The following SESN3 variants were observed in gnomAD, a reference collection of about 807,000 sequenced individuals.
SESN3 encodes the protein sestrin 3, also known as sestrin-3.
A neutral mutation model predicts 55.3 loss-of-function variants in SESN3; 21 were observed. That is an observed-to-expected ratio of 0.38 (90% CI 0.27 to 0.55). The LOEUF is 0.55. SESN3 is among the 20% of genes least tolerant of loss of function. SESN3 has a pLI of 0.76. For synonymous variants in SESN3, 181 were observed against 203.1 expected (o/e 0.89, Z 0.93); for missense variants, 408 against 604.3 (o/e 0.68, Z 3.41).
At chr11:95,216,575 T>A (rs1318835348) in intron 1 of SESN3, among the ~76,000 whole-genome samples, 2 of 152,236 alleles carry the variant, frequency 1.3e-5, no homozygotes, top group African/African-American at 4.8e-5. Context: ...CAATTGTTTC[T>A]ATAAATAATC....
At chr11:95,223,291 C>G (rs768355897) in intron 1 of SESN3, among the ~76,000 whole-genome samples, 3 of 152,144 alleles carry the variant, frequency 2.0e-5, no homozygotes, top group Non-Finnish European at 4.4e-5. Flanking sequence ...TGTCTCTTCT[C>G]TCTCTTTTCT....
chr11:95,227,597 G>C (rs966135528), intron 1 of SESN3, among the ~76,000 whole-genome samples: 1 of 152,092 alleles, frequency 6.6e-6, no homozygotes, highest in African/African-American at 2.4e-5. Context: ...AGTGAAAAGT[G>C]CAATAACAAT....
intron 1 of SESN3, chr11:95,201,012 A>C (rs570101786): frequency 1.3e-5 from 2 of 152,192 alleles, no homozygotes; most frequent in South Asian, 2.1e-4. Context: ...CATGTGAGGT[A>C]AACTTCTGGT....
intron 4 of SESN3, among the ~76,000 whole-genome samples, chr11:95,187,252 A>G (rs1860185540): frequency 6.6e-6 from 1 of 151,930 alleles, no homozygotes; most frequent in Non-Finnish European, 1.5e-5. Flanking sequence ...AACAAAGTGT[A>G]TTAATATTTT....
intron 4 of SESN3, 95 bp downstream of exon 4, chr11:95,189,682 TAA>T (rs1860230926): frequency 1.3e-6 from 1 of 790,960 alleles, no homozygotes; most frequent in Non-Finnish European, 1.9e-6. Flanking sequence ...CTACACATAC[TAA>T]GACACTATTA....
chr11:95,215,895 G>A (rs550304719), intron 1 of SESN3, among the ~76,000 whole-genome samples: 4 of 151,954 alleles, frequency 2.6e-5, no homozygotes, highest in South Asian at 2.1e-4. Context: ...TCAGGAGATC[G>A]AGACCATCCT....
chr11:95,220,812 T>C (rs1257492204), intron 1 of SESN3, among the ~76,000 whole-genome samples: 1 of 152,228 alleles, frequency 6.6e-6, no homozygotes, highest in Non-Finnish European at 1.5e-5. Flanking sequence ...TGTCACTTAC[T>C]GGTAATATAA....
At chr11:95,184,004 G>A (rs1352631254) in intron 6 of SESN3, 6 of 198,366 alleles carry the variant, frequency 3.0e-5, no homozygotes, top group Admixed American at 5.9e-5. Context: ...ATCTGGAAAA[G>A]CAGCAGTGTG....
chr11:95,202,138 CATT>C (rs1470381025), intron 1 of SESN3, among the ~76,000 whole-genome samples: 3 of 152,016 alleles, frequency 2.0e-5, no homozygotes, highest in African/African-American at 7.2e-5. Context: ...TAACATATAT[CATT>C]ATCTTATTGC....
upstream of SESN3, chr11:95,231,257 C>T: frequency 2.5e-6 from 1 of 394,598 alleles, no homozygotes; most frequent in Non-Finnish European, 4.5e-6. Context: ...CGGTACCGCC[C>T]CTCCCGCCAA....
At chr11:95,203,715 C>T (rs1860497948) in intron 1 of SESN3, 1 of 152,118 alleles carries the variant, frequency 6.6e-6, no homozygotes, top group Non-Finnish European at 1.5e-5. Flanking sequence ...GAATTAAAAC[C>T]ATTCTTATGC....
At chr11:95,173,369 T>C (rs779614206) in intron 9 of SESN3, 28 bp from the exon 10 acceptor site, 6 of 1,450,210 alleles carry the variant, frequency 4.1e-6, no homozygotes. Flanking sequence ...ATCAGTTTAG[T>C]AACCATTATA....
intron 1 of SESN3, among the ~76,000 whole-genome samples, chr11:95,210,377 A>G (rs933863236): frequency 1.3e-5 from 2 of 152,224 alleles, no homozygotes; most frequent in Non-Finnish European, 2.9e-5. Flanking sequence ...ATATATATGT[A>G]TATGGCACTC....
At chr11:95,191,849 A>T (rs1224409935) in intron 2 of SESN3, among the ~76,000 whole-genome samples, 2 of 152,100 alleles carry the variant, frequency 1.3e-5, no homozygotes, top group African/African-American at 4.8e-5. Context: ...GCTATGAATG[A>T]AGAAAAGAAG....
intron 4 of SESN3, among the ~76,000 whole-genome samples, chr11:95,187,685 T>C (rs1193322066): frequency 1.3e-5 from 2 of 151,900 alleles, no homozygotes; most frequent in Non-Finnish European, 2.9e-5. Context: ...ACAATCTTCC[T>C]TCCTTGTACA....
At chr11:95,207,720 T>C (rs1860575490) in intron 1 of SESN3, among the ~76,000 whole-genome samples, 1 of 149,792 alleles carries the variant, frequency 6.7e-6, no homozygotes, top group South Asian at 2.2e-4. Context: ...AGGTCTATTG[T>C]AGATATATAT....
At chr11:95,182,667 A>ACATCT (rs2066659311) in intron 6 of SESN3, among the ~76,000 whole-genome samples, 1 of 152,196 alleles carries the variant, frequency 6.6e-6, no homozygotes, top group African/African-American at 2.4e-5. Flanking sequence ...TGTTTTATAG[A>ACATCT]CATCTCTACT....
At chr11:95,186,194 CTG>C (rs35466696) in intron 4 of SESN3, among the ~76,000 whole-genome samples, 16,939 of 107,454 alleles carry the variant, frequency 0.16, 1,347 homozygotes, top group South Asian at 0.25. Flanking sequence ...CTATCTCTCA[CTG>C]TGTGTGTGTG....
intron 1 of SESN3, among the ~76,000 whole-genome samples, chr11:95,226,374 A>G (rs1334483281): frequency 1.3e-5 from 2 of 152,224 alleles, no homozygotes; most frequent in African/African-American, 4.8e-5. Context: ...CTGCAACCAC[A>G]TCTGTGGCTT....
Sources: gnomAD v4.1 joint callset for allele counts (sites outside exome capture counted in the v4.1 genomes callset) on GRCh38, gnomAD v4.1.1 for gene constraint, MANE v1.5 for transcripts, NCBI Gene and HGNC (gene_info 2026-07-23, HGNC 2026-07-21) for gene names.